ZNF83: variants seen among roughly 807,000 people sequenced by gnomAD.
ZNF83 encodes zinc finger protein 816B.
For missense variants in ZNF83, 552 were observed against 629.9 expected, an observed-to-expected ratio of 0.88 and a Z score of 1.32; for synonymous variants, 209 against 213.0, an observed-to-expected ratio of 0.98 and a Z score of 0.17.
chr19:52,683,071 A>G (rs1050276460), intron 1 of ZNF83, among the ~76,000 whole-genome samples: 2 of 80,244 alleles, frequency 2.5e-5, no homozygotes, highest in African/African-American at 2.1e-4. Context: ...AGGTTTCACC[A>G]TGTTGGCCAG....
At chr19:52,676,008 G>A (rs2147328392) in intron 1 of ZNF83, among the ~76,000 whole-genome samples, 1 of 152,218 alleles carries the variant, frequency 6.6e-6, no homozygotes, top group East Asian at 1.9e-4. Context: ...GACCAACATG[G>A]TGAAACCCTG....
intron 1 of ZNF83, among the ~76,000 whole-genome samples, chr19:52,684,654 T>C (rs1250707925): frequency 6.6e-6 from 1 of 151,918 alleles, no homozygotes; most frequent in African/African-American, 2.4e-5. Context: ...CAGAGGGAAC[T>C]TCAGATGTGG....
chr19:52,688,401 T>C (rs1244365478), intron 1 of ZNF83, among the ~76,000 whole-genome samples: 2 of 151,790 alleles, frequency 1.3e-5, no homozygotes, highest in Admixed American at 6.6e-5. Flanking sequence ...CTAGAACTCC[T>C]GGACTCAAGC....
At chr19:52,690,194 A>AG (rs1568591352) in intron 1 of ZNF83, among the ~76,000 whole-genome samples, 1 of 151,604 alleles carries the variant, frequency 6.6e-6, no homozygotes, top group Admixed American at 6.6e-5. Context: ...AAAAAAAAAA[A>AG]AAAACAACAA....
At chr19:52,652,864 C>T in intron 3 of ZNF83, 2 of 1,003,490 alleles carry the variant, frequency 2.0e-6, no homozygotes, top group Non-Finnish European at 1.6e-6. Flanking sequence ...TGACATATGA[C>T]TGAAGGTCTT....
upstream of ZNF83, among the ~76,000 whole-genome samples, chr19:52,639,079 T>C (rs1459412948): frequency 1.3e-5 from 2 of 152,168 alleles, no homozygotes; most frequent in Admixed American, 6.5e-5. Flanking sequence ...TGTCCCAGCG[T>C]ATTTGTGTAA....
At chr19:52,613,189 C>G (rs1254610101) in exon 3 of ZNF83, 1 of 1,614,096 alleles carries the variant, frequency 6.2e-7, no homozygotes, top group East Asian at 2.2e-5. Context: ...ACATTCATTA[C>G]ATTTGAAAGG....
intron 1 of ZNF83, among the ~76,000 whole-genome samples, chr19:52,671,488 G>A (rs771785575): frequency 1.1e-4 from 17 of 151,324 alleles, no homozygotes; most frequent in South Asian, 6.3e-4. Flanking sequence ...CTGTCACCCC[G>A]GCTGGAATGC....
At chr19:52,687,609 A>G (rs2062060318) in intron 1 of ZNF83, among the ~76,000 whole-genome samples, 1 of 19,428 alleles carries the variant, frequency 5.1e-5, no homozygotes, top group African/African-American at 5.0e-4. Context: ...GTATATATAT[A>G]TAATGTGTAT....
chr19:52,685,305 A>G (rs1319423784), intron 1 of ZNF83, among the ~76,000 whole-genome samples: 1 of 152,108 alleles, frequency 6.6e-6, no homozygotes, highest in African/African-American at 2.4e-5. Flanking sequence ...AAGATCTGAG[A>G]TGAGTGAGAA....
chr19:52,679,665 G>T (rs1193654395), intron 1 of ZNF83, among the ~76,000 whole-genome samples: 1 of 152,128 alleles, frequency 6.6e-6, no homozygotes, highest in Non-Finnish European at 1.5e-5. Flanking sequence ...ATCAGTCAGT[G>T]TGATGCTTTC....
chr19:52,636,163 C>A (rs2061140784), intron 1 of ZNF83: 1 of 150,548 alleles, frequency 6.6e-6, no homozygotes, highest in Admixed American at 6.6e-5. Flanking sequence ...AAAAAGAAAA[C>A]TAGCCGGGCT....
chr19:52,676,888 T>A (rs4563136), intron 1 of ZNF83, among the ~76,000 whole-genome samples: 43 of 124,068 alleles, frequency 3.5e-4, no homozygotes, highest in Admixed American at 3.2e-3. Flanking sequence ...GGATTAAGGG[T>A]GGTGCAAGAT....
At chr19:52,629,845 A>G (rs1196690682) in intron 2 of ZNF83, among the ~76,000 whole-genome samples, 1 of 152,284 alleles carries the variant, frequency 6.6e-6, no homozygotes, top group East Asian at 1.9e-4. Flanking sequence ...AAACTCCAAA[A>G]ATTAAATTCC....
chr19:52,687,374 TTATAATTTATATATA>T lies in ZNF83; in HGVS notation c.-283+3054_-283+3068del, dbSNP rs1364389992. 2.0e-3 allele frequency among the ~76,000 whole-genome samples: 38 copies of T among 19,076 alleles called. 8 individuals are homozygous for T. The African/African-American group carries it at 0.026, about 13-fold the overall frequency. The allele number at this position is 19,076 out of a possible 152,430, so 12.5% of individuals were successfully genotyped here. A position where few individuals can be genotyped will look rare whatever the true frequency, so the allele number is the denominator to read the frequency against. On this transcript the variant is annotated intron_variant, in intron 1 of 5. Coordinates refer to the ZNF83 transcript ENST00000594682. ...ATAGCTATATAAATTATAATATAAA[TTATAATTTATATATA>T]TATAATTTATATAGCTATATAAATT...
chr19:52,648,404 A>C (rs1487652618), intron 3 of ZNF83, among the ~76,000 whole-genome samples: 1 of 152,204 alleles, frequency 6.6e-6, no homozygotes, highest in Non-Finnish European at 1.5e-5. Flanking sequence ...AGCTAAGGCT[A>C]AAGTAATGGG....
At chr19:52,652,572 A>G (rs762602577) in intron 3 of ZNF83, 2 of 433,938 alleles carry the variant, frequency 4.6e-6, no homozygotes, top group Non-Finnish European at 9.3e-6. Flanking sequence ...GTTTCTTTCC[A>G]GTATGAGTTC....
chr19:52,649,133 T>A (rs2061411300), intron 3 of ZNF83, among the ~76,000 whole-genome samples: 1 of 151,688 alleles, frequency 6.6e-6, no homozygotes, highest in South Asian at 2.1e-4. Context: ...CTGACACAGG[T>A]GAGTGGTTTT....
upstream of ZNF83, among the ~76,000 whole-genome samples, chr19:52,641,913 G>C (rs937678488): frequency 6.6e-6 from 1 of 152,184 alleles, no homozygotes; most frequent in Non-Finnish European, 1.5e-5. Flanking sequence ...ATTCGGTCTG[G>C]AAAGGTGGAA....
Sources: allele counts gnomAD v4.1 joint callset (sites outside exome capture counted in the v4.1 genomes callset), GRCh38; gene constraint gnomAD v4.1.1; transcripts MANE v1.5; gene names NCBI Gene and HGNC (gene_info 2026-07-23, HGNC 2026-07-21).